The following CCNB3 variants were observed in gnomAD, a reference collection of about 807,000 sequenced individuals.
CCNB3 encodes G2/mitotic-specific cyclin-B3.
In CCNB3, 12 loss-of-function variants were observed where a neutral mutation model predicts 68.0. That is an observed-to-expected ratio of 0.18 (90% CI 0.11 to 0.29). CCNB3 has a LOEUF of 0.29. Ranked by LOEUF, CCNB3 falls within the 10% of genes least tolerant of loss-of-function variation. The pLI is 1.00. For missense variants in CCNB3, 904 were observed against 993.1 expected, an observed-to-expected ratio of 0.91 and a Z score of 1.21; for synonymous variants, 354 against 388.9, an observed-to-expected ratio of 0.91 and a Z score of 1.06.
intron 1 of CCNB3, among the ~76,000 whole-genome samples, chrX:50,279,461 T>G (rs1417263105): frequency 2.6e-5 from 2 of 77,666 alleles, no homozygotes; most frequent in African/African-American, 4.8e-5. Context: ...TAAATATATA[T>G]AAATATATAA....
intron 8 of CCNB3, among the ~76,000 whole-genome samples, chrX:50,314,918 G>A (rs1921643160): frequency 9.4e-6 from 1 of 106,430 alleles, no homozygotes; most frequent in Non-Finnish European, 1.9e-5. Context: ...ATTCCTGGAT[G>A]GCAGGAAACT....
At chrX:50,228,306 G>T (rs1935962519) in intron 1 of CCNB3, among the ~76,000 whole-genome samples, 1 of 91,412 alleles carries the variant, frequency 1.1e-5, no homozygotes, top group African/African-American at 3.9e-5. Flanking sequence ...CATATATAGA[G>T]AATATATATG....
chrX:50,313,834 A>C (rs1557215412), intron 7 of CCNB3, 22 bp from the exon 8 acceptor site: 1 of 1,104,659 alleles, frequency 9.1e-7, no homozygotes, highest in Admixed American at 2.2e-5. Flanking sequence ...ATTTATTAAC[A>C]TTTCTTTCTC....
intron 5 of CCNB3, among the ~76,000 whole-genome samples, chrX:50,303,827 T>G (rs1165030881): frequency 9.0e-6 from 1 of 111,388 alleles, no homozygotes; most frequent in Non-Finnish European, 1.9e-5. Flanking sequence ...AGTACAGAAA[T>G]TTTTAATTCT....
At chrX:50,283,288 T>C (rs1489758882) in intron 1 of CCNB3, among the ~76,000 whole-genome samples, 1 of 110,744 alleles carries the variant, frequency 9.0e-6, no homozygotes, top group Non-Finnish European at 1.9e-5. Context: ...TATTTTTGAG[T>C]GTGATCGAAG....
In CCNB3 at chrX:50,288,865, C is replaced by T. The variant is rs782020041; in HGVS notation, c.182C>T (p.Ser61Leu). The T allele has an allele frequency of 2.5e-6, 3 of 1,191,809 alleles. No individual in the cohort carries two copies. In the African/African-American group the frequency reaches 5.3e-5, roughly 21 times the overall value. The change falls in exon 4 of 13, where the codon TCA becomes TTA. Residue 61 changes from serine (S) to leucine (L), a missense_variant. Around this residue, in one of 2 missense-constraint regions of CCNB3, gnomAD observed 619 missense variants for 609.8 expected, o/e 1.02. Coordinates refer to ENST00000376042, the MANE Select transcript of CCNB3 (RefSeq NM_033031.3). ...CTTCAGGGAGCACTCAAAAAGAGAT[C>T]AGCTTTTGAAGATCTCACTAATGTG... ...SSLQGALKKR[S>L]AFEDLTNASQ...
At chrX:50,338,107 A>G (rs1010610189) in intron 8 of CCNB3, among the ~76,000 whole-genome samples, 8 of 111,766 alleles carry the variant, frequency 7.2e-5, no homozygotes, top group Non-Finnish European at 9.4e-5. Flanking sequence ...CACTGGGGCA[A>G]TTGCCTACCC....
chrX:50,325,939 G>C (rs1165267502), intron 8 of CCNB3, among the ~76,000 whole-genome samples: 3 of 109,824 alleles, frequency 2.7e-5, no homozygotes, highest in Non-Finnish European at 5.7e-5. Flanking sequence ...AAAATCCTAA[G>C]TTATATGAGC....
chrX:50,301,359 A>G (rs2147048501), intron 5 of CCNB3, among the ~76,000 whole-genome samples: 1 of 111,635 alleles, frequency 9.0e-6, no homozygotes, highest in South Asian at 3.8e-4. Context: ...AACAGTCAGG[A>G]CCCTCAGCTG....
At chrX:50,303,293 C>A (rs782431350) in intron 5 of CCNB3, among the ~76,000 whole-genome samples, 1 of 110,628 alleles carries the variant, frequency 9.0e-6, no homozygotes, top group Non-Finnish European at 1.9e-5. Context: ...TTACAGGTGC[C>A]CACAACCACC....
intron 1 of CCNB3, among the ~76,000 whole-genome samples, chrX:50,279,225 T>G (rs1360465229): frequency 4.6e-5 from 3 of 65,117 alleles, no homozygotes; most frequent in African/African-American, 2.1e-4. Flanking sequence ...TATATTCATA[T>G]ATAAATATAT....
At chrX:50,226,614 T>TATATATATAGAATATATCTATAA (rs1935823966) in intron 1 of CCNB3, among the ~76,000 whole-genome samples, 4 of 79,360 alleles carry the variant, frequency 5.0e-5, no homozygotes, top group African/African-American at 2.0e-4. Flanking sequence ...TATCTATAAA[T>TATATATATAGAATATATCTATAA]ATATATATAG....
At chrX:50,292,389 A>G (rs1936364418) in intron 4 of CCNB3, among the ~76,000 whole-genome samples, 1 of 110,448 alleles carries the variant, frequency 9.1e-6, no homozygotes, top group Non-Finnish European at 1.9e-5. Context: ...GTAAAATAGA[A>G]AAGTCCTCAT....
rs188418361 is a variant in CCNB3 at position 50,283,479 on chromosome X, T to C, written c.-112-1063T>C. Among the ~76,000 whole-genome samples the C allele has an allele frequency of 2.3e-3, 254 of 111,747 alleles. 1 individual carries two copies. The highest frequency in any genetic ancestry group is 8.0e-3 in the African/African-American group (245 of 30,774). Reference sequence around the variant, plus strand: ...AACTGAGGTAACATGTGAATGCATATACTTATACTGGCTTTTCCTGACCTA... The same window carrying C: ...AACTGAGGTAACATGTGAATGCATACACTTATACTGGCTTTTCCTGACCTA... On this transcript the variant is annotated intron_variant, in intron 1 of 12. Coordinates refer to ENST00000376042, the MANE Select transcript of CCNB3 (RefSeq NM_033031.3).
intron 4 of CCNB3, among the ~76,000 whole-genome samples, chrX:50,294,470 C>T (rs1557210536): frequency 9.0e-6 from 1 of 111,438 alleles, no homozygotes. Context: ...ACAGCAAAGT[C>T]AATCATACTG....
chrX:50,281,477 G>T (rs1344960967), intron 1 of CCNB3, among the ~76,000 whole-genome samples: 2 of 111,341 alleles, frequency 1.8e-5, no homozygotes, highest in Non-Finnish European at 3.8e-5. Flanking sequence ...TGGCTCCAGC[G>T]TCCGGCTCTG....
intron 9 of CCNB3, among the ~76,000 whole-genome samples, chrX:50,344,090 G>A (rs1557219969): frequency 1.8e-5 from 2 of 112,096 alleles, no homozygotes. Context: ...TACTTTTTCT[G>A]TTTAGATAGC....
intron 8 of CCNB3, among the ~76,000 whole-genome samples, chrX:50,339,252 G>A (rs1489447827): frequency 8.9e-6 from 1 of 112,224 alleles, no homozygotes; most frequent in East Asian, 2.8e-4. Flanking sequence ...GTCAATATAT[G>A]TAAGATGTAC....
chrX:50,330,420 T>G (rs60987076), intron 8 of CCNB3, among the ~76,000 whole-genome samples: 1 of 112,006 alleles, frequency 8.9e-6, no homozygotes, highest in African/African-American at 3.2e-5. Context: ...AGGCAGAAAT[T>G]GGTCATAAGA....
Sources: gnomAD v4.1 joint callset for allele counts (sites outside exome capture counted in the v4.1 genomes callset) on GRCh38, gnomAD v4.1.1 for gene constraint, gnomAD v4.1.1 regional missense constraint, MANE v1.5 for transcripts, NCBI Gene and HGNC (gene_info 2026-07-23, HGNC 2026-07-21) for gene names.